The following GAS7 variants were observed in gnomAD, a reference collection of about 807,000 sequenced individuals.
GAS7 encodes growth arrest-specific protein 7.
A neutral mutation model predicts 71.1 loss-of-function variants in GAS7; 28 were observed. That is an observed-to-expected ratio of 0.39 (90% CI 0.29 to 0.54). The LOEUF (loss-of-function observed/expected upper bound fraction) is 0.54. GAS7 is among the 20% of genes least tolerant of loss of function. The pLI, the probability that GAS7 is intolerant of heterozygous loss-of-function variation, is 0.62. For synonymous variants in GAS7, 258 were observed against 245.8 expected (o/e 1.05, Z -0.46); for missense variants, 436 against 627.8 (o/e 0.69, Z 3.27).
intron 4 of GAS7, among the ~76,000 whole-genome samples, chr17:9,966,621 A>C (rs1023808881): frequency 2.0e-5 from 3 of 152,090 alleles, no homozygotes; most frequent in African/African-American, 7.2e-5. Flanking sequence ...GTAAACACCA[A>C]ACCTTCTTAA....
In GAS7 at chr17:9,912,248, C is replaced by T. The variant is rs537847453; in HGVS notation, c.*4980G>A. On this transcript the variant is annotated 3_prime_UTR_variant, in exon 14 of 14. Transcript: ENST00000432992. Reference sequence around the variant, plus strand: ...GCATCTCTCTCACCAGGACTTGAGGCAATTCTATGCACGATTGTGCAGATG... The same window carrying T: ...GCATCTCTCTCACCAGGACTTGAGGTAATTCTATGCACGATTGTGCAGATG... 25 of 232,884 alleles carry T rather than the reference C, an allele frequency of 1.1e-4. No individual in the cohort carries two copies. The South Asian group carries it at 4.3e-3, about 41-fold the overall frequency. The allele number at this position is 232,884 out of a possible 1,614,324, so 14.4% of individuals were successfully genotyped here.
intron 1 of GAS7, among the ~76,000 whole-genome samples, chr17:10,141,948 G>T (rs2074084333): frequency 6.6e-6 from 1 of 150,852 alleles, no homozygotes; most frequent in Non-Finnish European, 1.5e-5. Context: ...TACATAGTAG[G>T]CCGGGCGCAA....
intron 1 of GAS7, among the ~76,000 whole-genome samples, chr17:10,110,691 C>T (rs1468301633): frequency 2.0e-5 from 3 of 152,230 alleles, no homozygotes; most frequent in African/African-American, 4.8e-5. Flanking sequence ...AGGCTGGTCT[C>T]GAACTCCTGA....
chr17:9,914,745 C>T lies in GAS7; in HGVS notation c.*2483G>A, dbSNP rs558434639. The T allele has an allele frequency of 7.4e-4, 165 of 224,308 alleles. No homozygotes were observed. The highest frequency in any genetic ancestry group is 3.3e-3 in the African/African-American group (148 of 44,940). The allele number at this position is 224,308 out of a possible 1,614,324, so 13.9% of individuals were successfully genotyped here. A position where few individuals can be genotyped will look rare whatever the true frequency, so the allele number is the denominator to read the frequency against. On this transcript the variant is annotated 3_prime_UTR_variant, in exon 14 of 14. Transcript: ENST00000432992. ...ATGTTCTTATTATACTCTTCTCAGT[C>T]GACATGGAGAATAGAGGAGAGCAGA...
intron 1 of GAS7, among the ~76,000 whole-genome samples, chr17:10,104,062 G>A (rs2142057024): frequency 6.6e-6 from 1 of 152,190 alleles, no homozygotes; most frequent in East Asian, 1.9e-4. Context: ...TTTGACCCCA[G>A]TTCTCCATTC....
intron 1 of GAS7, among the ~76,000 whole-genome samples, chr17:10,189,402 GA>G (rs1291870185): frequency 6.6e-6 from 1 of 152,078 alleles, no homozygotes; most frequent in Non-Finnish European, 1.5e-5. Flanking sequence ...GAGCTTTCCA[GA>G]ACGCATCCGA....
rs1329357519 is a variant in GAS7 at position 9,981,684 on chromosome 17, C to A, written c.385+120G>T. ...CTAAGGGACCCTCTCCCAGGCCCAA[C>A]CCCTCCCTGGGTTTGCTACATCAGC... On this transcript the variant is annotated intron_variant, in intron 3 of 13. Transcript: ENST00000432992. This position sits in a 1 kb window ranked among gnomAD's most constrained non-coding sequence, Gnocchi z 4.4. 4 of 685,212 alleles carry A rather than the reference C, an allele frequency of 5.8e-6. No homozygotes were observed. Among genetic ancestry groups the A allele is most frequent in the African/African-American group, 3.6e-5 (2 of 55,934 alleles). 42.4% of individuals were successfully genotyped at this position (685,212 alleles called of 1,614,324 possible). A position where few individuals can be genotyped will look rare whatever the true frequency, so the allele number is the denominator to read the frequency against.
In GAS7 at chr17:10,021,773, A is replaced by C. The variant is rs77884487; in HGVS notation, c.184-1876T>G. 1.3e-3 allele frequency among the ~76,000 whole-genome samples: 201 copies of C among 152,362 alleles called. 1 individual carries two copies. The highest frequency in any genetic ancestry group is 4.6e-3 in the African/African-American group (192 of 41,590). On this transcript the variant is annotated intron_variant, in intron 1 of 13. Transcript: ENST00000432992. Reference sequence around the variant, plus strand: ...GCCCTCTCACTGCTTTGGACTCTCCAGGATTGGAAGATAGCCAAAATATAT... The same window carrying C: ...GCCCTCTCACTGCTTTGGACTCTCCCGGATTGGAAGATAGCCAAAATATAT...
intron 5 of GAS7, among the ~76,000 whole-genome samples, chr17:9,947,278 C>T (rs570916408): frequency 7.6e-4 from 116 of 152,298 alleles, no homozygotes; most frequent in African/African-American, 2.7e-3. Flanking sequence ...CATACAGATA[C>T]AGTTGCATGG....
intron 1 of GAS7, among the ~76,000 whole-genome samples, chr17:10,056,870 G>A (rs1432778983): frequency 6.6e-6 from 1 of 151,946 alleles, no homozygotes; most frequent in East Asian, 1.9e-4. Flanking sequence ...CCGCCATCTC[G>A]ACTCACTGCA....
chr17:10,015,087 G>A (rs990219867), intron 2 of GAS7, among the ~76,000 whole-genome samples: 4 of 151,882 alleles, frequency 2.6e-5, no homozygotes, highest in South Asian at 4.2e-4. Flanking sequence ...CCGGGGAGGC[G>A]GAGGTTTCAG....
chr17:10,064,975 C>T (rs923822140), intron 1 of GAS7, among the ~76,000 whole-genome samples: 1 of 150,218 alleles, frequency 6.7e-6, no homozygotes, highest in African/African-American at 2.5e-5. Context: ...TGTGTGCCAC[C>T]ACACCTAGTG....
intron 1 of GAS7, among the ~76,000 whole-genome samples, chr17:10,122,519 G>A (rs1021040319): frequency 2.0e-5 from 3 of 152,186 alleles, no homozygotes; most frequent in East Asian, 3.9e-4. Flanking sequence ...AAGGAGCCTC[G>A]CCCTCCCTGG....
Position 9,919,921 on chromosome 17 carries a change from C to G in GAS7, c.1139-216G>C, listed in dbSNP as rs2152067621. On this transcript the variant is annotated intron_variant, in intron 11 of 13. Transcript: ENST00000432992. This position sits in a 1 kb window ranked among gnomAD's most constrained non-coding sequence, Gnocchi z 5.0. ...ATGAGAACCCAGCTCAGGTGTCCCC[C>G]TGAAGCCTGACCCCAGATACCAAGG... is the stretch of plus-strand genomic sequence containing the variant. Among the ~76,000 whole-genome samples, 1 of 152,070 alleles carries G rather than the reference C, an allele frequency of 6.6e-6. No individual in the cohort carries two copies. Among genetic ancestry groups the G allele is most frequent in the East Asian group, 1.9e-4 (1 of 5,170 alleles).
chr17:9,951,150 G>A (rs1021537597), intron 5 of GAS7, among the ~76,000 whole-genome samples: 12 of 152,192 alleles, frequency 7.9e-5, no homozygotes, highest in African/African-American at 2.4e-4. Flanking sequence ...TTTCAAAAGT[G>A]CACAGATTCC....
At position 10,026,116 on chromosome 17, in the gene GAS7, C is replaced by A. The variant is rs748800145; in HGVS notation, c.184-6219G>T. 1.1e-4 allele frequency: 109 copies of A among 969,298 alleles called. No homozygotes were observed. The African/African-American group carries it at 1.8e-3, about 16-fold the overall frequency. The allele number at this position is 969,298 out of a possible 1,614,324, so 60.0% of individuals were successfully genotyped here. On this transcript the variant is annotated intron_variant, in intron 1 of 13. Coordinates refer to ENST00000432992, the MANE Select transcript of GAS7 (RefSeq NM_201433.2). The surrounding 1 kb of genome is among the most constrained non-coding windows in gnomAD (Gnocchi z 4.5). ...ACCTCCACCTCCGGGACTCTCTCCC[C>A]CTCCGGAGGTTTCTGAGAACACCTG...
At chr17:10,123,781 C>T (rs2073923281) in intron 1 of GAS7, among the ~76,000 whole-genome samples, 1 of 152,210 alleles carries the variant, frequency 6.6e-6, no homozygotes, top group Non-Finnish European at 1.5e-5. Flanking sequence ...GAGTCCAAGG[C>T]CCACAGGTAA....
intron 5 of GAS7, among the ~76,000 whole-genome samples, chr17:9,952,542 C>T (rs1202809255): frequency 1.3e-5 from 2 of 152,144 alleles, no homozygotes; most frequent in African/African-American, 2.4e-5. Flanking sequence ...CAGGTGCCTG[C>T]CACCATGCCC....
intron 1 of GAS7, among the ~76,000 whole-genome samples, chr17:10,129,359 A>G (rs1056062357): frequency 5.9e-5 from 9 of 152,128 alleles, no homozygotes; most frequent in African/African-American, 2.2e-4. Context: ...ACGCAGGAAG[A>G]CACTATCTCT....
Sources: allele counts gnomAD v4.1 joint callset (sites outside exome capture counted in the v4.1 genomes callset), GRCh38; gene constraint gnomAD v4.1.1; non-coding constraint Gnocchi (gnomAD v3.1); transcripts MANE v1.5; gene names NCBI Gene and HGNC (gene_info 2026-07-23, HGNC 2026-07-21).